The following RABGAP1L variants were observed in gnomAD, a reference collection of about 807,000 sequenced individuals.
RABGAP1L encodes the protein RAB GTPase activating protein 1 like.
Under a neutral mutation model 137.7 loss-of-function variants are expected in RABGAP1L, and 63 were observed. That is an observed-to-expected ratio of 0.46 (90% CI 0.37 to 0.56). RABGAP1L has a LOEUF of 0.56. RABGAP1L is among the 20% of genes least tolerant of loss of function. The pLI is 0.00. For missense variants in RABGAP1L, 1,095 were observed against 1,244.0 expected (o/e 0.88, Z 1.80); for synonymous variants, 431 against 433.7 (o/e 0.99, Z 0.08).
chr1:174,197,125 G>A (rs1218681049), intron 1 of RABGAP1L, among the ~76,000 whole-genome samples: 1 of 152,188 alleles, frequency 6.6e-6, no homozygotes, highest in Admixed American at 6.5e-5. Context: ...CAGGCACTGT[G>A]CCCAGTGCTT....
chr1:174,694,355 C>G (rs929121796), intron 15 of RABGAP1L, among the ~76,000 whole-genome samples: 1 of 150,166 alleles, frequency 6.7e-6, no homozygotes, highest in African/African-American at 2.5e-5. Flanking sequence ...CCCCCTCCCC[C>G]CAACCCACAA....
In RABGAP1L at chr1:174,248,782, A is replaced by G. The variant is rs1672474355; in HGVS notation, c.718-1693A>G. On this transcript the variant is annotated intron_variant, in intron 5 of 25. Transcript: ENST00000681986. ...TATTCCTGTTTCAAGCAAGTTACAA[A>G]TATTGTATTCCTAGACTAATACAGT... Among the ~76,000 whole-genome samples the G allele has an allele frequency of 1.3e-5, 2 of 152,338 alleles. 1 individual carries two copies. Among genetic ancestry groups the G allele is most frequent in the African/African-American group, 4.8e-5 (2 of 41,582 alleles).
At chr1:174,875,674 A>G in intron 19 of RABGAP1L, 1 of 985,462 alleles carries the variant, frequency 1.0e-6, no homozygotes, top group South Asian at 4.7e-5. Context: ...GGTTCACAGT[A>G]TCTTTTAAAG....
intron 18 of RABGAP1L, among the ~76,000 whole-genome samples, chr1:174,757,407 C>A (rs1369463999): frequency 2.6e-5 from 4 of 151,874 alleles, no homozygotes; most frequent in Non-Finnish European, 5.9e-5. Context: ...ATTTTGGATA[C>A]ATATTACAAA....
chr1:174,411,341 C>T (rs1224968245), intron 13 of RABGAP1L, among the ~76,000 whole-genome samples: 3 of 152,046 alleles, frequency 2.0e-5, no homozygotes, highest in Non-Finnish European at 4.4e-5. Context: ...CAGTTTTTAC[C>T]TGTTCAGTAT....
rs141788211 is a variant in RABGAP1L, at chr1:174,271,000, A to T, written c.987-1414A>T. ...AATTTAGGGCAGTAGTATAAGAAAT[A>T]GTACAGTGAATTGCATGATTGATTA... is the stretch of plus-strand genomic sequence containing the variant. On this transcript the variant is annotated intron_variant, in intron 7 of 25. Coordinates refer to ENST00000681986, the MANE Select transcript of RABGAP1L (RefSeq NM_001366446.1). Among the ~76,000 whole-genome samples, 30 of 152,290 alleles carry T rather than the reference A, an allele frequency of 2.0e-4. 2 individuals are homozygous for T. The East Asian group carries it at 5.8e-3, about 29-fold the overall frequency.
At chr1:174,405,063 A>C (rs935848339) in intron 13 of RABGAP1L, among the ~76,000 whole-genome samples, 3 of 152,210 alleles carry the variant, frequency 2.0e-5, no homozygotes, top group African/African-American at 7.2e-5. Flanking sequence ...CATTTAGCTA[A>C]AGAAGAATTT....
At chr1:174,279,116 T>G (rs1675267727) in intron 10 of RABGAP1L, among the ~76,000 whole-genome samples, 1 of 152,352 alleles carries the variant, frequency 6.6e-6, no homozygotes, top group Middle Eastern at 3.4e-3. Flanking sequence ...AAATATCATA[T>G]GCTTATAAAA....
At chr1:174,803,673 G>A (rs1383995566) in intron 18 of RABGAP1L, among the ~76,000 whole-genome samples, 1 of 151,700 alleles carries the variant, frequency 6.6e-6, no homozygotes, top group Admixed American at 6.6e-5. Flanking sequence ...CTTATTAGAG[G>A]CCCTTAAAGA....
At chr1:174,531,999 G>T (rs776830251) in intron 13 of RABGAP1L, among the ~76,000 whole-genome samples, 5 of 151,792 alleles carry the variant, frequency 3.3e-5, no homozygotes, top group Admixed American at 6.6e-5. Flanking sequence ...AGAAGCTACT[G>T]TAGTATGTTT....
At chr1:174,474,348 G>A (rs1658262993) in intron 13 of RABGAP1L, among the ~76,000 whole-genome samples, 3 of 152,100 alleles carry the variant, frequency 2.0e-5, no homozygotes, top group African/African-American at 2.4e-5. Context: ...CAGAATAATA[G>A]GAGTATTTTG....
At chr1:174,830,334 A>G (rs1317443835) in intron 19 of RABGAP1L, among the ~76,000 whole-genome samples, 2 of 147,770 alleles carry the variant, frequency 1.4e-5, no homozygotes, top group African/African-American at 4.9e-5. Context: ...CTGGTGTGGA[A>G]AGGAGACTTC....
At chr1:174,874,385 C>A in intron 19 of RABGAP1L, 2 of 779,490 alleles carry the variant, frequency 2.6e-6, no homozygotes, top group Non-Finnish European at 3.1e-6. Context: ...TGAAACCTAG[C>A]GAAGTTAAAT....
intron 1 of RABGAP1L, among the ~76,000 whole-genome samples, chr1:174,175,587 A>G (rs987710688): frequency 1.4e-5 from 2 of 147,970 alleles, no homozygotes; most frequent in African/African-American, 5.0e-5. Flanking sequence ...AACCTCCTGA[A>G]TAGGGACTAC....
intron 19 of RABGAP1L, among the ~76,000 whole-genome samples, chr1:174,904,814 A>T (rs77551912): frequency 0.076 from 11,489 of 151,822 alleles, 620 homozygotes; most frequent in East Asian, 0.31. Flanking sequence ...ATGCCCAGCT[A>T]ATTTTTAAAA....
chr1:174,533,021 T>C (rs1664566473), intron 13 of RABGAP1L, among the ~76,000 whole-genome samples: 1 of 152,096 alleles, frequency 6.6e-6, no homozygotes, highest in African/African-American at 2.4e-5. Context: ...GGTCACGAGG[T>C]CGGGAGATCA....
At chr1:174,952,007 A>G (rs4651238) in intron 19 of RABGAP1L, among the ~76,000 whole-genome samples, 89,928 of 152,002 alleles carry the variant, frequency 0.59, 29,496 homozygotes, top group African/African-American at 0.89. Context: ...ATCTTTACGT[A>G]TGTATTCTGT....
intron 13 of RABGAP1L, among the ~76,000 whole-genome samples, chr1:174,493,360 A>G (rs1660439691): frequency 6.6e-6 from 1 of 150,756 alleles, no homozygotes; most frequent in South Asian, 2.1e-4. Flanking sequence ...AGAAAAATAT[A>G]TAAGAAAATT....
At chr1:174,462,672 C>A (rs1656822749) in intron 13 of RABGAP1L, among the ~76,000 whole-genome samples, 1 of 152,044 alleles carries the variant, frequency 6.6e-6, no homozygotes, top group African/African-American at 2.4e-5. Flanking sequence ...AGTTTTTCAA[C>A]CCTCATCCCC....
Sources: allele counts gnomAD v4.1 joint callset (sites outside exome capture counted in the v4.1 genomes callset), GRCh38; gene constraint gnomAD v4.1.1; transcripts MANE v1.5; gene names NCBI Gene and HGNC (gene_info 2026-07-23, HGNC 2026-07-21).